The following HIPK2 variants were observed in gnomAD, a reference collection of about 807,000 sequenced individuals.
The protein encoded by HIPK2 is homeodomain-interacting protein kinase 2.
A neutral mutation model predicts 113.7 loss-of-function variants in HIPK2; 27 were observed. The observed-to-expected ratio is 0.24, with a 90% CI of 0.17 to 0.33. HIPK2 has a LOEUF of 0.33. Among genes scored for constraint, HIPK2 ranks in the 10% least tolerant of loss-of-function variants. The probability of loss-of-function intolerance (pLI) is 1.00; values close to 1 mark genes in which losing one functional copy is unlikely to be tolerated. For synonymous variants in HIPK2, 631 were observed against 642.2 expected (o/e 0.98, Z 0.26); for missense variants, 1,257 against 1,588.0 (o/e 0.79, Z 3.54).
chr7:139,755,482 A>G (rs1262796805), intron 1 of HIPK2, among the ~76,000 whole-genome samples: 1 of 152,220 alleles, frequency 6.6e-6, no homozygotes. Context: ...GAAACAAAAA[A>G]CAATTTGTTT....
intron 2 of HIPK2, among the ~76,000 whole-genome samples, chr7:139,639,353 T>C (rs550110615): frequency 3.7e-4 from 57 of 152,334 alleles, no homozygotes; most frequent in African/African-American, 1.3e-3. Context: ...ACAGTCATTC[T>C]GAGCCAGAAT....
At chr7:139,691,400 C>A (rs1008301077) in intron 2 of HIPK2, among the ~76,000 whole-genome samples, 3 of 152,154 alleles carry the variant, frequency 2.0e-5, no homozygotes, top group African/African-American at 7.2e-5. Context: ...CAAACTTAGG[C>A]CCTCTTTTCA....
At chr7:139,731,930 G>A (rs1431086719) in intron 1 of HIPK2, among the ~76,000 whole-genome samples, 1 of 152,048 alleles carries the variant, frequency 6.6e-6, no homozygotes, top group African/African-American at 2.4e-5. Flanking sequence ...TTCGGGAAAG[G>A]TACCACCTCC....
intron 2 of HIPK2, among the ~76,000 whole-genome samples, chr7:139,649,615 T>C (rs1406350691): frequency 6.6e-6 from 1 of 151,874 alleles, no homozygotes; most frequent in Admixed American, 6.6e-5. Context: ...GTCCCAGAAA[T>C]GGATACTGCT....
At chr7:139,692,371 T>C (rs1393004999) in intron 2 of HIPK2, among the ~76,000 whole-genome samples, 1 of 152,160 alleles carries the variant, frequency 6.6e-6, no homozygotes, top group Non-Finnish European at 1.5e-5. Flanking sequence ...AGAGAGGGTG[T>C]CAGGCCCTCC....
rs1798046080 is a variant in HIPK2 at position 139,564,792 on chromosome 7, C to G, written c.*8135G>C. On this transcript the variant is annotated 3_prime_UTR_variant, in exon 15 of 15. Coordinates refer to ENST00000406875, the MANE Select transcript of HIPK2 (RefSeq NM_022740.5). ...AAAACACTTTAACTATAAAACGTAG[C>G]CAGAAATATGCTTAAGTATCCACAG... The G allele has an allele frequency of 6.6e-6, 1 of 152,142 alleles. No homozygotes were observed. Among genetic ancestry groups the G allele is most frequent in the South Asian group, 2.1e-4 (1 of 4,828 alleles). 9.4% of individuals were successfully genotyped at this position (152,142 alleles called of 1,614,324 possible).
intron 14 of HIPK2, among the ~76,000 whole-genome samples, chr7:139,574,753 C>G (rs541852176): frequency 1.3e-5 from 2 of 152,210 alleles, no homozygotes. Context: ...TGCAATGAGT[C>G]GGATGCAGGT....
chr7:139,574,295 G>A (rs1039061796), intron 14 of HIPK2, among the ~76,000 whole-genome samples: 2 of 152,106 alleles, frequency 1.3e-5, no homozygotes, highest in Non-Finnish European at 2.9e-5. Context: ...GATTACTTGA[G>A]TCCAGGAGGC....
chr7:139,733,787 T>C (rs1457117758), intron 1 of HIPK2, among the ~76,000 whole-genome samples: 1 of 152,206 alleles, frequency 6.6e-6, no homozygotes, highest in Non-Finnish European at 1.5e-5. Flanking sequence ...ATGATCCACC[T>C]TGGACAATAA....
At chr7:139,574,046 G>C (rs553936451) in intron 14 of HIPK2, among the ~76,000 whole-genome samples, 2 of 152,186 alleles carry the variant, frequency 1.3e-5, no homozygotes, top group African/African-American at 4.8e-5. Context: ...CTGTAGCCTT[G>C]AACTCCTGGC....
intron 1 of HIPK2, among the ~76,000 whole-genome samples, chr7:139,733,409 A>G (rs553587267): frequency 6.6e-6 from 1 of 152,200 alleles, no homozygotes; most frequent in Non-Finnish European, 1.5e-5. Flanking sequence ...TAACATTTTA[A>G]CCAAAAGCAC....
Position 139,572,805 on chromosome 7 carries a change from T to G in HIPK2, c.*122A>C. 1 of 219,918 alleles carries G rather than the reference T, an allele frequency of 4.5e-6. No homozygotes were observed. Among genetic ancestry groups the G allele is most frequent in the South Asian group, 6.2e-5 (1 of 16,028 alleles). 13.6% of individuals were successfully genotyped at this position (219,918 alleles called of 1,614,324 possible). ...CCGCCCCTGCCCCGTTTGCATTGTT[T>G]GTGTGCGGCATCTTCAGTATAAAAG... On this transcript the variant is annotated 3_prime_UTR_variant, in exon 15 of 15. Transcript: ENST00000406875.
At chr7:139,602,313 C>A (rs1799460406) in intron 10 of HIPK2, among the ~76,000 whole-genome samples, 1 of 152,130 alleles carries the variant, frequency 6.6e-6, no homozygotes, top group African/African-American at 2.4e-5. Context: ...AGACAGGTGG[C>A]ACTCTTTCTC....
Position 139,563,513 on chromosome 7 carries a change from G to A in HIPK2, c.*9414C>T, listed in dbSNP as rs1425685292. 1 of 207,356 alleles carries A rather than the reference G, an allele frequency of 4.8e-6. No homozygotes were observed. The highest frequency in any genetic ancestry group is 1.0e-4 in the East Asian group (1 of 9,852). 12.8% of individuals were successfully genotyped at this position (207,356 alleles called of 1,614,324 possible). On this transcript the variant is annotated 3_prime_UTR_variant, in exon 15 of 15. Coordinates refer to ENST00000406875, the MANE Select transcript of HIPK2 (RefSeq NM_022740.5). ...GGAAGCGAGGGAGAGCAGAGGCAGA[G>A]CCCTTTTTCAGATACAACATACTTA...
Position 139,650,298 on chromosome 7 carries a change from C to T in HIPK2, c.1104-18573G>A, listed in dbSNP as rs1320859722. 5.0e-5 allele frequency among the ~76,000 whole-genome samples: 7 copies of T among 139,614 alleles called. No homozygotes were observed. In the South Asian group the frequency reaches 1.4e-3, roughly 28 times the overall value. The allele number at this position is 139,614 out of a possible 152,430, so 91.6% of individuals were successfully genotyped here. A position where few individuals can be genotyped will look rare whatever the true frequency, so the allele number is the denominator to read the frequency against. ...CCAGGAGGCAGAGGTTGCAGTGAGCCAAGATTGTGCCACTGCACTCCAGCC... is the reference window on the plus strand; with the variant it reads ...CCAGGAGGCAGAGGTTGCAGTGAGCTAAGATTGTGCCACTGCACTCCAGCC... On this transcript the variant is annotated intron_variant, in intron 2 of 14. Coordinates refer to ENST00000406875, the MANE Select transcript of HIPK2 (RefSeq NM_022740.5).
At chr7:139,697,821 TC>T (rs1794605210) in intron 2 of HIPK2, among the ~76,000 whole-genome samples, 1 of 151,586 alleles carries the variant, frequency 6.6e-6, no homozygotes, top group Non-Finnish European at 1.5e-5. Context: ...TATCCTATTA[TC>T]CCCTCCTCCC....
rs2116376323 is a variant in HIPK2, at chr7:139,563,853, A to G, written c.*9074T>C. 1 of 398,622 alleles carries G rather than the reference A, an allele frequency of 2.5e-6. No individual in the cohort carries two copies. Among genetic ancestry groups the G allele is most frequent in the South Asian group, 1.3e-4 (1 of 7,860 alleles). The allele number at this position is 398,622 out of a possible 1,614,324, so 24.7% of individuals were successfully genotyped here. A position where few individuals can be genotyped will look rare whatever the true frequency, so the allele number is the denominator to read the frequency against. ...TTTTCAAGGTCTTATCTGCTAAAGG[A>G]ATGCCCTTTAGGTCACAGCAGGTCC... On this transcript the variant is annotated 3_prime_UTR_variant, in exon 15 of 15. Transcript: ENST00000406875.
At chr7:139,602,651 C>T (rs1799475217) in intron 10 of HIPK2, among the ~76,000 whole-genome samples, 1 of 151,344 alleles carries the variant, frequency 6.6e-6, no homozygotes, top group African/African-American at 2.4e-5. Context: ...GTTGGTCAGA[C>T]AGCTTTCCAC....
rs113065111 is a variant in HIPK2, at chr7:139,747,091, C to T, written c.20-30076G>A. Among the ~76,000 whole-genome samples the T allele has an allele frequency of 8.6e-3, 1,314 of 152,270 alleles. 13 individuals are homozygous for T. The highest frequency in any genetic ancestry group is 0.03 in the African/African-American group (1,236 of 41,550). On this transcript the variant is annotated intron_variant, in intron 1 of 14. Transcript: ENST00000406875. The stretch of plus-strand genomic sequence containing the variant: ...CAAATCAGTCACAGGGACCCCTTTT[C>T]GGTGTGAAACTGCACCAAATACTGC...
Sources: allele counts gnomAD v4.1 joint callset (sites outside exome capture counted in the v4.1 genomes callset), GRCh38; gene constraint gnomAD v4.1.1; transcripts MANE v1.5; gene names NCBI Gene and HGNC (gene_info 2026-07-23, HGNC 2026-07-21).